KCNJ3: variants seen among roughly 807,000 people sequenced by gnomAD.
KCNJ3 encodes the protein potassium inwardly rectifying channel subfamily J member 3.
A neutral mutation model predicts 39.2 loss-of-function variants in KCNJ3; 4 were observed. That is an observed-to-expected ratio of 0.10 (90% CI 0.05 to 0.23). KCNJ3 has a LOEUF of 0.23. KCNJ3 is among the 10% of genes least tolerant of loss of function. The probability of loss-of-function intolerance (pLI) is 1.00; values close to 1 mark genes in which losing one functional copy is unlikely to be tolerated. For synonymous variants in KCNJ3, 230 were observed against 237.4 expected (o/e 0.97, Z 0.29); for missense variants, 276 against 634.9 (o/e 0.43, Z 6.08).
chr2:154,837,597 A>T (rs1687492991), intron 2 of KCNJ3, among the ~76,000 whole-genome samples: 1 of 152,140 alleles, frequency 6.6e-6, no homozygotes, highest in Non-Finnish European at 1.5e-5. Context: ...TAACCTTCCC[A>T]TTCTTCCTCT....
intron 2 of KCNJ3, among the ~76,000 whole-genome samples, chr2:154,744,028 A>G (rs1685696307): frequency 6.6e-6 from 1 of 151,606 alleles, no homozygotes; most frequent in South Asian, 2.1e-4. Flanking sequence ...TATTTTCTAT[A>G]TGTTTTTATT....
intron 2 of KCNJ3, among the ~76,000 whole-genome samples, chr2:154,788,115 G>A (rs1686566334): frequency 6.6e-6 from 1 of 152,016 alleles, no homozygotes; most frequent in Non-Finnish European, 1.5e-5. Context: ...GAGCATAGAA[G>A]GTAAGCAATA....
Position 154,854,713 on chromosome 2 carries a change from CTCTTT to C in KCNJ3, c.920-9_920-5del. On this transcript the variant is annotated splice_polypyrimidine_tract_variant and intron_variant, in intron 2 of 2. Coordinates refer to ENST00000295101, the MANE Select transcript of KCNJ3 (RefSeq NM_002239.4). ...CTATGCATAATTTATCAAGAATTTT[CTCTTT>C]TCTTGTAGGGATGACTTGTCAAGCT... 1 of 1,581,500 alleles carries C rather than the reference CTCTTT, an allele frequency of 6.3e-7. No homozygotes were observed. The highest frequency in any genetic ancestry group is 1.1e-5 in the South Asian group (1 of 88,302).
intron 2 of KCNJ3, among the ~76,000 whole-genome samples, chr2:154,817,570 A>G (rs1006264346): frequency 4.6e-5 from 7 of 152,206 alleles, no homozygotes; most frequent in African/African-American, 1.7e-4. Flanking sequence ...GGAAATTTAA[A>G]GAAGAGACAG....
intron 2 of KCNJ3, among the ~76,000 whole-genome samples, chr2:154,845,956 C>T (rs1037849671): frequency 1.1e-4 from 16 of 144,184 alleles, no homozygotes; most frequent in East Asian, 4.0e-4. Context: ...GGCGTCACAG[C>T]GAGACTCTGT....
At chr2:154,836,808 C>A (rs1363695217) in intron 2 of KCNJ3, among the ~76,000 whole-genome samples, 1 of 152,072 alleles carries the variant, frequency 6.6e-6, no homozygotes, top group Non-Finnish European at 1.5e-5. Context: ...TGCTGAATTG[C>A]AAATATTTAT....
intron 2 of KCNJ3, among the ~76,000 whole-genome samples, chr2:154,740,559 C>T (rs1405901430): frequency 1.3e-5 from 2 of 151,802 alleles, no homozygotes; most frequent in African/African-American, 2.4e-5. Flanking sequence ...AGCATCTGTC[C>T]CCTTGGCATG....
At chr2:154,832,392 C>T (rs1006809422) in intron 2 of KCNJ3, among the ~76,000 whole-genome samples, 13 of 152,128 alleles carry the variant, frequency 8.5e-5, no homozygotes, top group African/African-American at 3.1e-4. Flanking sequence ...GTTAATGTTC[C>T]TCTTGAAACA....
chr2:154,849,303 G>A (rs1052683456), intron 2 of KCNJ3, among the ~76,000 whole-genome samples: 3 of 152,154 alleles, frequency 2.0e-5, no homozygotes, highest in Admixed American at 6.5e-5. Flanking sequence ...AACTGAAAGG[G>A]ATTTGCTCTT....
intron 1 of KCNJ3, among the ~76,000 whole-genome samples, chr2:154,703,143 A>AC (rs35375704): frequency 0.56 from 85,188 of 151,554 alleles, 24,279 homozygotes; most frequent in African/African-American, 0.6. Context: ...ATTCTTTGAT[A>AC]ACTGTTCGAG....
rs1416554045 is a variant in KCNJ3 at position 154,856,688 on chromosome 2, A to G, written c.*1375A>G. 1 of 152,152 alleles carries G rather than the reference A, an allele frequency of 6.6e-6. No individual in the cohort carries two copies. Among genetic ancestry groups the G allele is most frequent in the East Asian group, 1.9e-4 (1 of 5,192 alleles). The allele number at this position is 152,152 out of a possible 1,614,324, so 9.4% of individuals were successfully genotyped here. On this transcript the variant is annotated 3_prime_UTR_variant, in exon 3 of 3. Coordinates refer to ENST00000295101, the MANE Select transcript of KCNJ3 (RefSeq NM_002239.4). ...GATTTTATTGGTGTCTTAGATCCCT[A>G]GTCTACCCAAATAATTTTAACAGTA...
At chr2:154,741,060 C>T (rs1469597414) in intron 2 of KCNJ3, among the ~76,000 whole-genome samples, 2 of 151,924 alleles carry the variant, frequency 1.3e-5, no homozygotes, top group Admixed American at 6.6e-5. Context: ...CTCAGAAACA[C>T]AGCTTTTAAT....
intron 2 of KCNJ3, among the ~76,000 whole-genome samples, chr2:154,831,859 T>TATAA (rs1687369396): frequency 6.6e-6 from 1 of 152,166 alleles, no homozygotes; most frequent in South Asian, 2.1e-4. Flanking sequence ...CTAGGTACAT[T>TATAA]ATAAATAAAA....
chr2:154,762,594 C>CTTTTTTTTTTTTTTTTTTT lies in KCNJ3; in HGVS notation c.919+52782_919+52783insTTTTTTTTTTTTTTTTTTT, dbSNP rs1220902573. 2.6e-5 allele frequency among the ~76,000 whole-genome samples: 4 copies of CTTTTTTTTTTTTTTTTTTT among 152,146 alleles called. No homozygotes were observed. In the East Asian group the frequency reaches 7.7e-4, roughly 29 times the overall value. On this transcript the variant is annotated intron_variant, in intron 2 of 2. Coordinates refer to ENST00000295101, the MANE Select transcript of KCNJ3 (RefSeq NM_002239.4). ...ATTCTCCTCTTGGGAACTTGGTTTC[C>CTTTTTTTTTTTTTTTTTTT]TTTTTTTAAAATAGGGTTTATAATA...
intron 2 of KCNJ3, among the ~76,000 whole-genome samples, chr2:154,827,385 CTAT>C (rs1687287639): frequency 6.6e-6 from 1 of 152,162 alleles, no homozygotes; most frequent in South Asian, 2.1e-4. Flanking sequence ...TTGATAAAAT[CTAT>C]TATCGTCCTG....
At chr2:154,786,586 A>G (rs569816402) in intron 2 of KCNJ3, among the ~76,000 whole-genome samples, 1 of 152,294 alleles carries the variant, frequency 6.6e-6, no homozygotes, top group Admixed American at 6.5e-5. Flanking sequence ...AATCTTCTAT[A>G]TTGTACCAGT....
At chr2:154,773,168 G>C (rs1686271934) in intron 2 of KCNJ3, among the ~76,000 whole-genome samples, 1 of 152,038 alleles carries the variant, frequency 6.6e-6, no homozygotes, top group Non-Finnish European at 1.5e-5. Context: ...GAAATTAACT[G>C]TTTGTTAATA....
At chr2:154,798,954 G>A (rs1415445850) in intron 2 of KCNJ3, among the ~76,000 whole-genome samples, 2 of 151,434 alleles carry the variant, frequency 1.3e-5, no homozygotes, top group Non-Finnish European at 3.0e-5. Flanking sequence ...TATGCCATGT[G>A]GTATGTGTAT....
At chr2:154,824,348 A>C (rs534897703) in intron 2 of KCNJ3, among the ~76,000 whole-genome samples, 159 of 152,264 alleles carry the variant, frequency 1.0e-3, no homozygotes, top group Non-Finnish European at 1.7e-3. Flanking sequence ...GAAAAATAAA[A>C]TAGAAATAAA....
Sources: allele counts gnomAD v4.1 joint callset (sites outside exome capture counted in the v4.1 genomes callset), GRCh38; gene constraint gnomAD v4.1.1; transcripts MANE v1.5; gene names NCBI Gene and HGNC (gene_info 2026-07-23, HGNC 2026-07-21).